Variants in PAK2 observed in about 807,000 individuals in gnomAD.
PAK2 encodes the protein serine/threonine-protein kinase PAK 2.
PAK2 carries 21 observed loss-of-function variants against 65.9 expected under a neutral mutation model. The ratio of observed to expected loss-of-function variants is 0.32; its 90% CI spans 0.23 to 0.46. PAK2 has a LOEUF of 0.46. Ranked by LOEUF, PAK2 falls within the 20% of genes least tolerant of loss-of-function variation. The pLI is 1.00. For missense variants in PAK2, 324 were observed against 642.6 expected, an observed-to-expected ratio of 0.50 and a Z score of 5.36; for synonymous variants, 204 against 219.7, an observed-to-expected ratio of 0.93 and a Z score of 0.63.
intron 1 of PAK2, among the ~76,000 whole-genome samples, chr3:196,751,694 T>TATATATATATA (rs1211217848): frequency 3.9e-4 from 18 of 45,764 alleles, no homozygotes; most frequent in Non-Finnish European, 5.3e-4. Context: ...TATATATATA[T>TATATATATATA]AATTCAGGCT....
In PAK2 at chr3:196,829,972, G is replaced by A. The variant is rs9109; in HGVS notation, c.*1567G>A. ...TTATTCATTGTTTTGCTTTTGGAGT[G>A]GGTGTTGTTCAAGTATCTGTGGTTT... On this transcript the variant is annotated 3_prime_UTR_variant, in exon 15 of 15. Coordinates refer to ENST00000327134, the MANE Select transcript of PAK2 (RefSeq NM_002577.4). 0.53 allele frequency: 80,868 copies of A among 151,310 alleles called. 22,090 individuals are homozygous for A. The highest frequency in any genetic ancestry group is 0.88 in the East Asian group (4,558 of 5,164). The allele number at this position is 151,310 out of a possible 1,614,324, so 9.4% of individuals were successfully genotyped here. A position where few individuals can be genotyped will look rare whatever the true frequency, so the allele number is the denominator to read the frequency against.
At chr3:196,792,284 A>G (rs577269126) in intron 2 of PAK2, among the ~76,000 whole-genome samples, 1 of 152,334 alleles carries the variant, frequency 6.6e-6, no homozygotes, top group South Asian at 2.1e-4. Flanking sequence ...TAACTAATAA[A>G]TAATTTCTCC....
intron 13 of PAK2, among the ~76,000 whole-genome samples, chr3:196,822,924 A>G (rs987446042): frequency 6.6e-6 from 1 of 152,152 alleles, no homozygotes; most frequent in African/African-American, 2.4e-5. Context: ...CGCTGAGCAA[A>G]CAGCGAGAGG....
Position 196,782,806 on chromosome 3 carries a change from A to G in PAK2, c.160A>G (p.Ile54Val), listed in dbSNP as rs1714755995. 3 of 1,612,732 alleles carry G rather than the reference A, an allele frequency of 1.9e-6. No individual in the cohort carries two copies. Among genetic ancestry groups the G allele is most frequent in the African/African-American group, 1.3e-5 (1 of 74,852 alleles). The change falls in exon 2 of 15, where the codon ATC becomes GTC. Residue 54 changes from isoleucine to valine, a missense_variant. By Grantham distance (29) the Ile-to-Val change is conservative. Around this residue, in one of 5 missense-constraint regions of PAK2, gnomAD observed 42 missense variants for 67.4 expected, o/e 0.62. Coordinates refer to ENST00000327134, the MANE Select transcript of PAK2 (RefSeq NM_002577.4). ...AGAGAAAAAGCCCAGGCATAAAATC[A>G]TCTCCATATTCTCAGGCACAGAGAA... Reference protein sequence around the residue: ...PEEKKPRHKIISIFSGTEKGS... With the variant: ...PEEKKPRHKIVSIFSGTEKGS...
chr3:196,759,157 A>G (rs1465555908), intron 1 of PAK2, among the ~76,000 whole-genome samples: 2 of 152,188 alleles, frequency 1.3e-5, no homozygotes, highest in African/African-American at 4.8e-5. Flanking sequence ...TGAACACAGC[A>G]AATACTATAA....
intron 1 of PAK2, among the ~76,000 whole-genome samples, chr3:196,774,426 C>T (rs575907658): frequency 1.3e-5 from 2 of 152,110 alleles, no homozygotes; most frequent in Non-Finnish European, 2.9e-5. Context: ...TCCTGTGTAA[C>T]TCGAGTTTAG....
chr3:196,796,612 C>G (rs1715267996), intron 2 of PAK2, among the ~76,000 whole-genome samples: 1 of 152,152 alleles, frequency 6.6e-6, no homozygotes, highest in Non-Finnish European at 1.5e-5. Context: ...TAAGAAACAA[C>G]TGAGTAGATA....
chr3:196,786,833 T>TA (rs35280534), intron 2 of PAK2, among the ~76,000 whole-genome samples: 3 of 151,884 alleles, frequency 2.0e-5, no homozygotes, highest in African/African-American at 7.3e-5. Flanking sequence ...AATCTTTTTT[T>TA]TTTTTTCTTT....
rs1351349863 is a variant in PAK2 at position 196,784,212 on chromosome 3, A to AT, written c.187+1389dup. On this transcript the variant is annotated intron_variant, in intron 2 of 14. Transcript: ENST00000327134. ...GGCATTGTTTTTGGTTTTGTTTTTA[A>AT]TTTTTTTTTTCTTTTTTTTTTTTTT... Among the ~76,000 whole-genome samples, 1,076 of 123,856 alleles carry AT rather than the reference A, an allele frequency of 8.7e-3. 7 individuals are homozygous for AT. Among genetic ancestry groups the AT allele is most frequent in the Non-Finnish European group, 0.015 (864 of 57,856 alleles). 81.3% of individuals were successfully genotyped at this position (123,856 alleles called of 152,430 possible).
intron 1 of PAK2, among the ~76,000 whole-genome samples, chr3:196,773,840 C>G (rs1349278313): frequency 1.3e-5 from 2 of 152,078 alleles, no homozygotes; most frequent in Non-Finnish European, 2.9e-5. Context: ...CCACTGCACT[C>G]CAGCCTGGGC....
rs1715463625 is a variant in PAK2, at chr3:196,802,903, C to G, written c.289-114C>G. 4.8e-6 allele frequency: 3 copies of G among 622,904 alleles called. 1 individual carries two copies. In the Admixed American group the frequency reaches 1.2e-4, roughly 24 times the overall value. 38.6% of individuals were successfully genotyped at this position (622,904 alleles called of 1,614,324 possible). On this transcript the variant is annotated intron_variant, in intron 3 of 14. Transcript: ENST00000327134. ...AAAATGAGATCTTTTAAAATTTACT[C>G]AAACCTACACTCAAAAGATTGGTTT...
At chr3:196,778,633 T>C (rs999531837) in intron 1 of PAK2, among the ~76,000 whole-genome samples, 3 of 152,252 alleles carry the variant, frequency 2.0e-5, no homozygotes, top group Non-Finnish European at 4.4e-5. Context: ...TACCTCACTG[T>C]TAACCAAATT....
chr3:196,815,657 C>CGG (rs1362288566), intron 11 of PAK2, among the ~76,000 whole-genome samples: 24 of 151,708 alleles, frequency 1.6e-4, no homozygotes, highest in Admixed American at 2.6e-4. Flanking sequence ...TGTGGTGGTA[C>CGG]GCGCCTGTAG....
chr3:196,795,328 G>T (rs925982651), intron 2 of PAK2, among the ~76,000 whole-genome samples: 1 of 151,838 alleles, frequency 6.6e-6, no homozygotes, highest in Non-Finnish European at 1.5e-5. Flanking sequence ...AATTATCTGG[G>T]CAGGGTGGTG....
chr3:196,770,796 C>G (rs1714336815), intron 1 of PAK2, among the ~76,000 whole-genome samples: 1 of 151,662 alleles, frequency 6.6e-6, no homozygotes, highest in Admixed American at 6.6e-5. Flanking sequence ...CTAATTTTTG[C>G]ATTTTTAATA....
intron 1 of PAK2, among the ~76,000 whole-genome samples, chr3:196,781,601 T>C (rs1714715363): frequency 6.6e-6 from 1 of 152,214 alleles, no homozygotes; most frequent in Non-Finnish European, 1.5e-5. Context: ...TCTGCAAAAC[T>C]CAAAAGACTA....
At chr3:196,823,564 C>CA (rs199552318) in intron 13 of PAK2, among the ~76,000 whole-genome samples, 15 of 150,332 alleles carry the variant, frequency 1.0e-4, no homozygotes, top group South Asian at 4.2e-4. Context: ...AACAAACAAA[C>CA]AAACAAAAAA....
intron 1 of PAK2, among the ~76,000 whole-genome samples, chr3:196,757,887 G>C (rs188639269): frequency 1.3e-5 from 2 of 152,174 alleles, no homozygotes; most frequent in South Asian, 4.1e-4. Flanking sequence ...TAAGGGATGA[G>C]GTTTCTGGGT....
At chr3:196,825,457 C>T (rs532819576) in intron 13 of PAK2, among the ~76,000 whole-genome samples, 3 of 151,574 alleles carry the variant, frequency 2.0e-5, no homozygotes, top group Admixed American at 2.0e-4. Context: ...GCCTGGCCAA[C>T]ACAGTGAAAC....
Sources: gnomAD v4.1 joint callset for allele counts (sites outside exome capture counted in the v4.1 genomes callset) on GRCh38, gnomAD v4.1.1 for gene constraint, gnomAD v4.1.1 regional missense constraint, MANE v1.5 for transcripts, NCBI Gene and HGNC (gene_info 2026-07-23, HGNC 2026-07-21) for gene names.